PCDH11Y: variants seen among roughly 807,000 people sequenced by gnomAD.
The protein encoded by PCDH11Y is protocadherin-11 Y-linked.
For missense variants in PCDH11Y, 12 were observed against 224.8 expected, an observed-to-expected ratio of 0.05 and a Z score of 6.05; for synonymous variants, 9 against 83.6, an observed-to-expected ratio of 0.11 and a Z score of 4.87.
chrY:5,107,648 A>T, downstream of PCDH11Y, among the ~76,000 whole-genome samples: 1 of 32,998 alleles, frequency 3.0e-5, no homozygotes, highest in East Asian at 7.9e-4. Context: ...AGATATCTCC[A>T]ACCTTTTGTG....
At chrY:5,326,278 C>A in intron 2 of PCDH11Y, among the ~76,000 whole-genome samples, 1 of 32,436 alleles carries the variant, frequency 3.1e-5, no homozygotes, top group African/African-American at 1.2e-4. Context: ...AGTTTCCTGA[C>A]TCGGGCATGT....
chrY:5,328,522 AG>A (rs2053125468), intron 2 of PCDH11Y, among the ~76,000 whole-genome samples: 1 of 32,708 alleles, frequency 3.1e-5, no homozygotes. Context: ...TTGACCTTTT[AG>A]GGTCTAGGGC....
At chrY:5,214,855 T>C in intron 2 of PCDH11Y, among the ~76,000 whole-genome samples, 2 of 32,526 alleles carry the variant, frequency 6.1e-5, no homozygotes, top group Non-Finnish European at 1.5e-4. Context: ...CTCTTATTTA[T>C]ATCTTTTGTT....
intron 2 of PCDH11Y, among the ~76,000 whole-genome samples, chrY:5,196,661 A>G (rs1602884165): frequency 4.4e-5 from 1 of 22,918 alleles, no homozygotes; most frequent in African/African-American, 1.7e-4. Context: ...CTTTTTAATG[A>G]TTGCCATTCT....
chrY:5,247,639 A>C, intron 2 of PCDH11Y, among the ~76,000 whole-genome samples: 1 of 32,654 alleles, frequency 3.1e-5, no homozygotes, highest in Non-Finnish European at 7.4e-5. Flanking sequence ...AAAGATCTCA[A>C]ATCAACACCC....
In PCDH11Y at chrY:5,352,372, T is replaced by G. The variant is rs1602909664; in HGVS notation, c.3130-148685T>G. ...CTCCTGACCTCATGATCCGCCCACC[T>G]CAGCCTCCCAAAGTGCTGTGATTAC... is the stretch of plus-strand genomic sequence containing the variant. On this transcript the variant is annotated intron_variant, in intron 2 of 4. Coordinates refer to the PCDH11Y transcript ENST00000400457. 6.8e-4 allele frequency among the ~76,000 whole-genome samples: 22 copies of G among 32,363 alleles called. No individual in the cohort carries two copies. The East Asian group carries it at 0.012, about 17-fold the overall frequency. The allele number at this position is 32,363 out of a possible 37,273, so 86.8% of individuals were successfully genotyped here.
intron 2 of PCDH11Y, among the ~76,000 whole-genome samples, chrY:5,265,979 G>A (rs2562929): frequency 3.0e-5 from 1 of 33,182 alleles, no homozygotes; most frequent in Non-Finnish European, 7.4e-5. Flanking sequence ...CTTTGCTCAC[G>A]ATAATCCAAT....
chrY:5,036,410 A>T, intron 3 of PCDH11Y, among the ~76,000 whole-genome samples: 1 of 33,462 alleles, frequency 3.0e-5, no homozygotes, highest in South Asian at 6.5e-4. Flanking sequence ...AACACATGTA[A>T]CATTAATGTT....
At chrY:5,621,308 G>C in intron 4 of PCDH11Y, among the ~76,000 whole-genome samples, 1 of 32,255 alleles carries the variant, frequency 3.1e-5, no homozygotes, top group African/African-American at 1.2e-4. Flanking sequence ...GCTACAAAAA[G>C]AATAAAATAC....
chrY:5,544,275 T>C (rs2053410899), intron 3 of PCDH11Y, among the ~76,000 whole-genome samples: 1 of 33,170 alleles, frequency 3.0e-5, no homozygotes, highest in Non-Finnish European at 7.6e-5. Flanking sequence ...AACAGTTTCC[T>C]TCAAGTTGTA....
intron 3 of PCDH11Y, among the ~76,000 whole-genome samples, chrY:5,552,526 C>A (rs1351216215): frequency 3.0e-4 from 10 of 32,995 alleles, no homozygotes; most frequent in Admixed American, 5.6e-4. Context: ...TATGGACAGA[C>A]CTTAGATGGA....
intron 4 of PCDH11Y, among the ~76,000 whole-genome samples, chrY:5,583,417 A>AATGTCGTGATTATTT (rs2053452542): frequency 3.2e-3 from 94 of 29,606 alleles, no homozygotes; most frequent in African/African-American, 0.012. Flanking sequence ...TAATGTGAAG[A>AATGTCGTGATTATTT]ATGTCGTGAT....
intron 2 of PCDH11Y, among the ~76,000 whole-genome samples, chrY:5,311,657 AGGGTGGTCT>A (rs2053101148): frequency 3.5e-5 from 1 of 28,875 alleles, no homozygotes; most frequent in Non-Finnish European, 8.2e-5. Context: ...ATGAAGCTTT[AGGGTGGTCT>A]GGGTGGTCTG....
intron 2 of PCDH11Y, among the ~76,000 whole-genome samples, chrY:5,256,367 A>G (rs2053011154): frequency 3.1e-5 from 1 of 32,310 alleles, no homozygotes; most frequent in Non-Finnish European, 7.6e-5. Context: ...GTATGGATTT[A>G]TTTCTCGGTT....
At chrY:5,584,754 A>G (rs2053453644) in intron 4 of PCDH11Y, among the ~76,000 whole-genome samples, 3 of 29,194 alleles carry the variant, frequency 1.0e-4, no homozygotes, top group African/African-American at 4.1e-4. Context: ...TCCATCCTCC[A>G]AGAGACCCCA....
At chrY:5,355,175 C>T (rs2053164252) in intron 2 of PCDH11Y, among the ~76,000 whole-genome samples, 1 of 29,977 alleles carries the variant, frequency 3.3e-5, no homozygotes, top group Non-Finnish European at 7.8e-5. Flanking sequence ...GCAGGAGAAT[C>T]GCTTGAACCA....
chrY:5,570,229 T>C, intron 3 of PCDH11Y, among the ~76,000 whole-genome samples: 1 of 33,249 alleles, frequency 3.0e-5, no homozygotes, highest in Non-Finnish European at 7.5e-5. Context: ...CTGTTTGAAA[T>C]AGCTTGCTTC....
chrY:5,730,384 C>G, intron 4 of PCDH11Y, among the ~76,000 whole-genome samples: 1 of 31,439 alleles, frequency 3.2e-5, no homozygotes, highest in African/African-American at 1.2e-4. Context: ...TTGGCTATTG[C>G]AAATAAAATT....
At chrY:5,134,750 G>T in intron 2 of PCDH11Y, among the ~76,000 whole-genome samples, 1 of 31,706 alleles carries the variant, frequency 3.2e-5, no homozygotes, top group Non-Finnish European at 7.6e-5. Flanking sequence ...AAGTGGGGGG[G>T]AAATGGCAGA....
Sources: allele counts gnomAD v4.1 joint callset (sites outside exome capture counted in the v4.1 genomes callset), GRCh38; gene constraint gnomAD v4.1.1; transcripts MANE v1.5; gene names NCBI Gene and HGNC (gene_info 2026-07-23, HGNC 2026-07-21).